Variants in FRMD6 observed in about 807,000 individuals in gnomAD.
FRMD6 encodes FERM domain-containing protein 6.
FRMD6 carries 37 observed loss-of-function variants against 73.2 expected under a neutral mutation model. That is an observed-to-expected ratio of 0.51 (90% CI 0.39 to 0.66). The LOEUF is 0.66. FRMD6 is among the 30% of genes least tolerant of loss of function. FRMD6 has a pLI of 0.00. For missense variants in FRMD6, 714 were observed against 780.5 expected, an observed-to-expected ratio of 0.91 and a Z score of 1.02; for synonymous variants, 273 against 282.2, an observed-to-expected ratio of 0.97 and a Z score of 0.33.
intron 1 of FRMD6, among the ~76,000 whole-genome samples, chr14:51,562,925 C>T (rs1887560052): frequency 6.6e-6 from 1 of 152,204 alleles, no homozygotes; most frequent in South Asian, 2.1e-4. Flanking sequence ...TAGTTTGTCT[C>T]TTTGCACAAC....
At chr14:51,646,508 C>T (rs954262173) in intron 2 of FRMD6, among the ~76,000 whole-genome samples, 2 of 151,762 alleles carry the variant, frequency 1.3e-5, no homozygotes, top group Admixed American at 6.6e-5. Context: ...TTTCTTCTTG[C>T]GTATCCTAAT....
At chr14:51,430,635 T>G in the FRMD6 span, among the ~76,000 whole-genome samples, 2 of 151,586 alleles carry the variant, frequency 1.3e-5, no homozygotes, top group African/African-American at 2.4e-5. Context: ...AAAAAAACCC[T>G]CTGTTCTTCT....
At position 51,689,709 on chromosome 14, in the gene FRMD6, C is replaced by T. The variant is rs1895409443; in HGVS notation, c.-128C>T. 4.4e-6 allele frequency: 3 copies of T among 677,522 alleles called. No individual in the cohort carries two copies. The South Asian group carries it at 5.1e-5, about 11-fold the overall frequency. The allele number at this position is 677,522 out of a possible 1,614,324, so 42.0% of individuals were successfully genotyped here. ...TTCACAGCTATGAAACCCACGTAGT[C>T]GAACACCGTGATGCTTCTCCTGCAG... is the stretch of plus-strand genomic sequence containing the variant. On this transcript the variant is annotated 5_prime_UTR_variant, in exon 2 of 14. Transcript: ENST00000344768.
At chr14:51,442,719 C>G in the FRMD6 span, among the ~76,000 whole-genome samples, 1 of 152,158 alleles carries the variant, frequency 6.6e-6, no homozygotes, top group African/African-American at 2.4e-5. Context: ...GTTGAGTCTC[C>G]CAGGTCTATG....
chr14:51,710,491 A>G (rs539917063), intron 7 of FRMD6, among the ~76,000 whole-genome samples: 1 of 152,314 alleles, frequency 6.6e-6, no homozygotes, highest in East Asian at 1.9e-4. Context: ...ACCAAAACTC[A>G]TATAATGATG....
chr14:51,635,868 T>C (rs1891532432), intron 2 of FRMD6, among the ~76,000 whole-genome samples: 1 of 152,216 alleles, frequency 6.6e-6, no homozygotes, highest in African/African-American at 2.4e-5. Context: ...CGAGGCTTTA[T>C]GTAGAAAAAC....
intron 10 of FRMD6, among the ~76,000 whole-genome samples, chr14:51,718,575 C>T (rs927658101): frequency 2.0e-5 from 3 of 152,176 alleles, no homozygotes; most frequent in African/African-American, 7.2e-5. Flanking sequence ...TTTAGCTGTC[C>T]ACCTTCATCT....
the FRMD6 span, among the ~76,000 whole-genome samples, chr14:51,408,250 C>T: frequency 6.6e-6 from 1 of 151,860 alleles, no homozygotes; most frequent in Non-Finnish European, 1.5e-5. Flanking sequence ...TCTACCTCCT[C>T]CTAAGCTCGG....
chr14:51,407,065 A>C, the FRMD6 span, among the ~76,000 whole-genome samples: 4 of 152,116 alleles, frequency 2.6e-5, no homozygotes, highest in Non-Finnish European at 4.4e-5. Flanking sequence ...AATTAATGTG[A>C]ATTTTTTTCT....
At chr14:51,446,903 AC>A in the FRMD6 span, among the ~76,000 whole-genome samples, 1 of 152,148 alleles carries the variant, frequency 6.6e-6, no homozygotes, top group Non-Finnish European at 1.5e-5. Context: ...CATCATGACG[AC>A]CTAGGCTGTG....
intron 2 of FRMD6, among the ~76,000 whole-genome samples, chr14:51,691,878 A>T (rs1895608806): frequency 6.6e-6 from 1 of 152,128 alleles, no homozygotes; most frequent in South Asian, 2.1e-4. Context: ...TACAGGCGTG[A>T]GCCATTGTGC....
chr14:51,465,604 G>C, the FRMD6 span, among the ~76,000 whole-genome samples: 6 of 152,234 alleles, frequency 3.9e-5, no homozygotes, highest in African/African-American at 1.4e-4. Context: ...ATTCCATTGA[G>C]TATCATCCAT....
At chr14:51,678,392 T>C (rs1023010804) in intron 1 of FRMD6, among the ~76,000 whole-genome samples, 8 of 152,144 alleles carry the variant, frequency 5.3e-5, no homozygotes, top group Non-Finnish European at 7.4e-5. Context: ...AGAAATTATT[T>C]TGTGGACAGT....
chr14:51,678,543 T>C (rs1447016611), intron 1 of FRMD6, among the ~76,000 whole-genome samples: 4 of 152,112 alleles, frequency 2.6e-5, no homozygotes, highest in Non-Finnish European at 5.9e-5. Context: ...GAAAAGTGTG[T>C]CGTAAAGGAA....
the FRMD6 span, among the ~76,000 whole-genome samples, chr14:51,402,641 C>CTT: frequency 7.3e-3 from 941 of 128,376 alleles, 18 homozygotes; most frequent in African/African-American, 0.022. Context: ...TTTTTCTTTT[C>CTT]TTTTTTTTTT....
intron 1 of FRMD6, among the ~76,000 whole-genome samples, chr14:51,670,543 T>C (rs1893930362): frequency 6.6e-6 from 1 of 152,228 alleles, no homozygotes; most frequent in Admixed American, 6.5e-5. Flanking sequence ...AATTGAACTT[T>C]GGTTGTAGTT....
intron 1 of FRMD6, among the ~76,000 whole-genome samples, chr14:51,521,146 G>T (rs1007374750): frequency 6.6e-6 from 1 of 152,150 alleles, no homozygotes; most frequent in Non-Finnish European, 1.5e-5. Context: ...GCTTTACTGA[G>T]GTGACGAAAA....
chr14:51,693,536 G>T (rs950737733), intron 2 of FRMD6, among the ~76,000 whole-genome samples: 2 of 152,146 alleles, frequency 1.3e-5, no homozygotes, highest in African/African-American at 4.8e-5. Context: ...TTCCTCATTT[G>T]TGAAGTAGGG....
the FRMD6 span, chr14:51,454,951 C>CTATAATTAATA: frequency 3.3e-5 from 5 of 151,952 alleles, no homozygotes; most frequent in Non-Finnish European, 7.4e-5. Flanking sequence ...TTCATTCTAG[C>CTATAATTAATA]GAATAATTAA....
Sources: gnomAD v4.1 joint callset for allele counts (sites outside exome capture counted in the v4.1 genomes callset) on GRCh38, gnomAD v4.1.1 for gene constraint, MANE v1.5 for transcripts, NCBI Gene and HGNC (gene_info 2026-07-23, HGNC 2026-07-21) for gene names.